Variants in RREB1 observed in about 807,000 individuals in gnomAD.
RREB1 encodes ras-responsive element-binding protein 1.
RREB1 carries 27 observed loss-of-function variants against 117.8 expected under a neutral mutation model. The ratio of observed to expected loss-of-function variants is 0.23; its 90% CI spans 0.17 to 0.32. The LOEUF (loss-of-function observed/expected upper bound fraction) is 0.32. RREB1 is among the 10% of genes least tolerant of loss of function. The pLI is 1.00. For missense variants in RREB1, 2,577 were observed against 2,378.2 expected, an observed-to-expected ratio of 1.08 and a Z score of -1.74; for synonymous variants, 1,298 against 1,026.7, an observed-to-expected ratio of 1.26 and a Z score of -5.05.
chr6:7,206,700 C>G (rs1766293167), intron 6 of RREB1, among the ~76,000 whole-genome samples: 1 of 152,188 alleles, frequency 6.6e-6, no homozygotes, highest in African/African-American at 2.4e-5. Context: ...GTAAGAGCAT[C>G]TGCACAAGTA....
intron 1 of RREB1, among the ~76,000 whole-genome samples, chr6:7,131,274 G>T (rs1762147893): frequency 6.6e-6 from 1 of 152,132 alleles, no homozygotes; most frequent in Admixed American, 6.5e-5. Flanking sequence ...GCCAGTCATG[G>T]TAAATGCTTT....
chr6:7,174,981 T>G (rs1764427078), intron 1 of RREB1, among the ~76,000 whole-genome samples: 1 of 152,134 alleles, frequency 6.6e-6, no homozygotes, highest in Non-Finnish European at 1.5e-5. Context: ...TAATTATGAG[T>G]AAAACTATGG....
At chr6:7,176,354 C>A (rs1006304770) in intron 1 of RREB1, among the ~76,000 whole-genome samples, 2 of 152,112 alleles carry the variant, frequency 1.3e-5, no homozygotes, top group African/African-American at 4.8e-5. Flanking sequence ...CACGAAGCTC[C>A]CCCCCGGAGC....
rs374180165 is a variant in RREB1 at position 7,230,904 on chromosome 6, C to G, written c.2805C>G (p.Ile935Met). Residue 935 changes from isoleucine to methionine, a missense_variant, in exon 10 of 13, where the codon ATC (isoleucine) becomes ATG (methionine). By Grantham distance (10) the Ile-to-Met change is conservative. Transcript: ENST00000379938. Reference sequence around the variant, plus strand: ...CCTATGACTGCTCCATGGAGCCCATCGACCTGTCCATCCCCAAGAACTTCA... The same window carrying G: ...CCTATGACTGCTCCATGGAGCCCATGGACCTGTCCATCCCCAAGAACTTCA... ...LVPYDCSMEP[I>M]DLSIPKNFRK... The G allele has an allele frequency of 1.2e-6, 2 of 1,614,000 alleles. No individual in the cohort carries two copies. Among genetic ancestry groups the G allele is most frequent in the African/African-American group, 2.7e-5 (2 of 74,934 alleles).
At position 7,248,986 on chromosome 6, in the gene RREB1, A is replaced by G; in HGVS notation, c.*18A>G. The G allele has an allele frequency of 6.9e-7, 1 of 1,449,658 alleles. No homozygotes were observed. The highest frequency in any genetic ancestry group is 1.4e-5 in the African/African-American group (1 of 70,078). 89.8% of individuals were successfully genotyped at this position (1,449,658 alleles called of 1,614,324 possible). On this transcript the variant is annotated 3_prime_UTR_variant, in exon 13 of 13. Transcript: ENST00000379938. ...TGGAGTGACAGCCTCAGTCCCCCTC[A>G]GCACAGACAAAAGCCAGCAGAGCAA...
At chr6:7,241,309 C>CTA in intron 11 of RREB1, among the ~76,000 whole-genome samples, 1 of 152,258 alleles carries the variant, frequency 6.6e-6, no homozygotes, top group East Asian at 1.9e-4. Flanking sequence ...TATCAGTACA[C>CTA]TCCATCCGCT....
At chr6:7,113,104 G>A (rs1761225188) in intron 1 of RREB1, among the ~76,000 whole-genome samples, 1 of 151,138 alleles carries the variant, frequency 6.6e-6, no homozygotes. Context: ...AGCCAGTAAA[G>A]CTAAGAGAAT....
At chr6:7,181,842 G>A in intron 3 of RREB1, 28 bp from the exon 4 acceptor site, 1 of 1,528,134 alleles carries the variant, frequency 6.5e-7, no homozygotes, top group African/African-American at 1.4e-5. Context: ...ACTTCCCCAT[G>A]ATCACATCAG....
intron 6 of RREB1, among the ~76,000 whole-genome samples, chr6:7,193,686 C>A (rs942697639): frequency 2.0e-5 from 3 of 152,144 alleles, no homozygotes; most frequent in Non-Finnish European, 2.9e-5. Context: ...GGTCTACACA[C>A]AAAATTTATA....
At chr6:7,137,771 C>T (rs1221608350) in intron 1 of RREB1, among the ~76,000 whole-genome samples, 1 of 152,042 alleles carries the variant, frequency 6.6e-6, no homozygotes, top group Non-Finnish European at 1.5e-5. Context: ...CATTTCACGG[C>T]CGCCTAGCTC....
At chr6:7,216,217 A>C (rs1183643194) in intron 8 of RREB1, 1 of 152,290 alleles carries the variant, frequency 6.6e-6, no homozygotes, top group Non-Finnish European at 1.5e-5. Flanking sequence ...GTTGGTTATA[A>C]AACAAAGTTC....
chr6:7,130,956 T>TTTTA (rs1762132587), intron 1 of RREB1, among the ~76,000 whole-genome samples: 1 of 110,016 alleles, frequency 9.1e-6, no homozygotes, highest in African/African-American at 4.0e-5. Flanking sequence ...TTTTTTTTTT[T>TTTTA]GAGACGGAGT....
intron 1 of RREB1, among the ~76,000 whole-genome samples, chr6:7,153,443 C>A (rs1450693348): frequency 2.0e-5 from 3 of 151,670 alleles, no homozygotes; most frequent in South Asian, 4.2e-4. Context: ...CACACACACA[C>A]AAATCCTCCA....
intron 1 of RREB1, among the ~76,000 whole-genome samples, chr6:7,131,233 A>C (rs140964255): frequency 2.6e-4 from 40 of 152,176 alleles, no homozygotes; most frequent in African/African-American, 7.5e-4. Flanking sequence ...GCCAATACTC[A>C]TTTCTAAGAA....
intron 10 of RREB1, among the ~76,000 whole-genome samples, chr6:7,239,045 G>A (rs947443018): frequency 6.6e-5 from 10 of 152,346 alleles, no homozygotes; most frequent in Admixed American, 1.3e-4. Context: ...GGGAAAACAC[G>A]TGGCCCCTCT....
At chr6:7,138,793 T>C (rs1053461945) in intron 1 of RREB1, among the ~76,000 whole-genome samples, 2 of 152,250 alleles carry the variant, frequency 1.3e-5, no homozygotes, top group African/African-American at 2.4e-5. Flanking sequence ...GATGACACTT[T>C]TTTTGTTTTG....
intron 1 of RREB1, among the ~76,000 whole-genome samples, chr6:7,113,239 A>G (rs1248773842): frequency 6.6e-6 from 1 of 152,186 alleles, no homozygotes; most frequent in Non-Finnish European, 1.5e-5. Flanking sequence ...CCCCACAGGC[A>G]TTGTCAGACA....
rs1233354073 is a variant in RREB1, at chr6:7,229,896, C to T, written c.1797C>T (p.Asp599=). Residue 599 remains aspartate (D), a synonymous_variant, in exon 10 of 13, where the codon GAC becomes GAT. Transcript: ENST00000379938. This position sits in a 1 kb window ranked among gnomAD's most constrained non-coding sequence, Gnocchi z 4.5. The part of the protein sequence containing the change: ...QPEMKTQLEQ[D]SIIEALLPLS... The stretch of plus-strand genomic sequence containing the variant: ...AGATGAAGACGCAGCTGGAGCAGGA[C>T]AGCATCATCGAGGCCCTGCTGCCGC... 1 of 1,604,882 alleles carries T rather than the reference C, an allele frequency of 6.2e-7. No homozygotes were observed. The highest frequency in any genetic ancestry group is 2.2e-5 in the East Asian group (1 of 44,628).
At chr6:7,162,288 A>G (rs1185417533) in intron 1 of RREB1, among the ~76,000 whole-genome samples, 1 of 152,096 alleles carries the variant, frequency 6.6e-6, no homozygotes, top group Non-Finnish European at 1.5e-5. Context: ...AAAAAAAAGA[A>G]TGAATTCAGC....
Sources: allele counts gnomAD v4.1 joint callset (sites outside exome capture counted in the v4.1 genomes callset), GRCh38; gene constraint gnomAD v4.1.1; non-coding constraint Gnocchi (gnomAD v3.1); transcripts MANE v1.5; gene names NCBI Gene and HGNC (gene_info 2026-07-23, HGNC 2026-07-21).